The following SCAMP5 variants were observed in gnomAD, a reference collection of about 807,000 sequenced individuals.
SCAMP5 encodes secretory carrier-associated membrane protein 5.
Under a neutral mutation model 28.3 loss-of-function variants are expected in SCAMP5, and 7 were observed. The observed-to-expected ratio is 0.25, with a 90% CI of 0.14 to 0.46. The LOEUF is 0.46. SCAMP5 is among the 20% of genes least tolerant of loss of function. The probability of loss-of-function intolerance (pLI) is 0.99; values close to 1 mark genes in which losing one functional copy is unlikely to be tolerated. For missense variants in SCAMP5, 192 were observed against 312.5 expected (o/e 0.61, Z 2.91); for synonymous variants, 117 against 116.4 (o/e 1.00, Z -0.03).
At chr15:75,015,881 G>A (rs1164492279) in intron 3 of SCAMP5, among the ~76,000 whole-genome samples, 1 of 144,732 alleles carries the variant, frequency 6.9e-6, no homozygotes, top group African/African-American at 2.6e-5. Context: ...AGCTGAGATC[G>A]CGCCACTGCA....
chr15:75,004,417 C>T (rs1489431848), intron 1 of SCAMP5, among the ~76,000 whole-genome samples: 2 of 152,076 alleles, frequency 1.3e-5, no homozygotes, highest in Non-Finnish European at 2.9e-5. Context: ...TAAAGACCAG[C>T]GTGTGTCTTC....
chr15:75,010,852 A>C (rs976474074), intron 1 of SCAMP5, among the ~76,000 whole-genome samples: 2 of 151,988 alleles, frequency 1.3e-5, no homozygotes, highest in Non-Finnish European at 2.9e-5. Flanking sequence ...TCTGCCTAGA[A>C]GGCTGTTTTG....
intron 1 of SCAMP5, among the ~76,000 whole-genome samples, chr15:75,005,938 C>T (rs1038945150): frequency 6.8e-6 from 1 of 146,850 alleles, no homozygotes; most frequent in Non-Finnish European, 1.5e-5. Flanking sequence ...GTTGGCCAGG[C>T]TGGTCTGGAA....
chr15:75,007,308 G>T (rs1487860185), intron 1 of SCAMP5, among the ~76,000 whole-genome samples: 1 of 152,174 alleles, frequency 6.6e-6, no homozygotes, highest in African/African-American at 2.4e-5. Context: ...CTCTCCTGTA[G>T]TATACGGGCA....
At chr15:75,006,121 T>TG (rs1023141407) in intron 1 of SCAMP5, among the ~76,000 whole-genome samples, 6 of 149,968 alleles carry the variant, frequency 4.0e-5, no homozygotes, top group African/African-American at 1.5e-4. Flanking sequence ...CCCCAGCCTC[T>TG]GGAGTAGCTG....
chr15:75,019,714 C>T lies in SCAMP5; in HGVS notation c.*731C>T, dbSNP rs1295334148. ...GCTCCTGAGACTGAGCCCAGATCCC[C>T]AAATCTAATCTGATTTACAGTTCAA... On this transcript the variant is annotated 3_prime_UTR_variant, in exon 7 of 7. Coordinates refer to ENST00000425597, the MANE Select transcript of SCAMP5 (RefSeq NM_138967.4). 2 of 152,710 alleles carry T rather than the reference C, an allele frequency of 1.3e-5. No homozygotes were observed. The highest frequency in any genetic ancestry group is 2.4e-5 in the African/African-American group (1 of 41,430). 9.5% of individuals were successfully genotyped at this position (152,710 alleles called of 1,614,324 possible). A position where few individuals can be genotyped will look rare whatever the true frequency, so the allele number is the denominator to read the frequency against.
Sources: gnomAD v4.1 joint callset for allele counts (sites outside exome capture counted in the v4.1 genomes callset) on GRCh38, gnomAD v4.1.1 for gene constraint, MANE v1.5 for transcripts, NCBI Gene and HGNC (gene_info 2026-07-23, HGNC 2026-07-21) for gene names.